Variants in CFAP61 observed in about 807,000 individuals in gnomAD.
CFAP61 encodes cilia- and flagella-associated protein 61.
CFAP61 carries 107 observed loss-of-function variants against 135.6 expected under a neutral mutation model. The ratio of observed to expected loss-of-function variants is 0.79; its 90% CI spans 0.67 to 0.93. The LOEUF is 0.93. Ranked by LOEUF, CFAP61 falls within the 40% of genes least tolerant of loss-of-function variation. The probability of loss-of-function intolerance (pLI) is 0.00; values close to 1 mark genes in which losing one functional copy is unlikely to be tolerated. For synonymous variants in CFAP61, 575 were observed against 578.5 expected (o/e 0.99, Z 0.09); for missense variants, 1,507 against 1,556.2 (o/e 0.97, Z 0.53).
chr20:20,223,542 CTA>C (rs1315247721), intron 17 of CFAP61, among the ~76,000 whole-genome samples: 1 of 152,148 alleles, frequency 6.6e-6, no homozygotes, highest in African/African-American at 2.4e-5. Context: ...TTATTGCTCT[CTA>C]GTGTATCAGC....
chr20:20,191,210 G>A (rs2055897263), intron 14 of CFAP61, 132 bp from the exon 15 acceptor site: 1 of 576,532 alleles, frequency 1.7e-6, no homozygotes, highest in Non-Finnish European at 3.0e-6. Context: ...CTTACTACCT[G>A]GCCAAAAGTA....
At chr20:20,338,255 C>T (rs1203013925) in intron 25 of CFAP61, among the ~76,000 whole-genome samples, 1 of 152,154 alleles carries the variant, frequency 6.6e-6, no homozygotes, top group Non-Finnish European at 1.5e-5. Context: ...CCAGAAAAGA[C>T]ACATACAAGC....
intron 25 of CFAP61, among the ~76,000 whole-genome samples, chr20:20,338,575 A>G (rs1426242965): frequency 6.6e-6 from 1 of 152,254 alleles, no homozygotes; most frequent in East Asian, 1.9e-4. Flanking sequence ...GCAGACCTGC[A>G]GTCGCAGCAC....
chr20:20,114,687 A>G (rs1256662102), intron 8 of CFAP61, among the ~76,000 whole-genome samples: 1 of 152,044 alleles, frequency 6.6e-6, no homozygotes, highest in East Asian at 1.9e-4. Context: ...ATTATTTTGT[A>G]TTTCTCTATA....
chr20:20,232,309 T>C (rs2049200861), intron 18 of CFAP61, among the ~76,000 whole-genome samples: 1 of 152,186 alleles, frequency 6.6e-6, no homozygotes. Context: ...TGCAGTGCTT[T>C]GACTCTTTCA....
At chr20:20,261,612 G>A (rs1005857706) in intron 20 of CFAP61, among the ~76,000 whole-genome samples, 3 of 152,124 alleles carry the variant, frequency 2.0e-5, no homozygotes, top group Non-Finnish European at 4.4e-5. Context: ...TCACTATGCT[G>A]TTTTATTTGG....
intron 19 of CFAP61, among the ~76,000 whole-genome samples, chr20:20,250,907 GCCATGGCATGAATGGCCGC>G (rs1261613699): frequency 6.6e-6 from 1 of 152,244 alleles, no homozygotes; most frequent in African/African-American, 2.4e-5. Context: ...GCACGCTGAA[GCCATGGCATGAATGGCCGC>G]CCTGGGCCTG....
At chr20:20,335,229 G>A (rs557020792) in intron 25 of CFAP61, among the ~76,000 whole-genome samples, 53 of 152,254 alleles carry the variant, frequency 3.5e-4, no homozygotes, top group Non-Finnish European at 7.1e-4. Flanking sequence ...GGAGTCTAGA[G>A]TGATAAACAT....
At chr20:20,085,309 G>T in intron 6 of CFAP61, 1 of 985,384 alleles carries the variant, frequency 1.0e-6, no homozygotes, top group Non-Finnish European at 1.2e-6. Context: ...TTGTTTCTGT[G>T]GGGCTGGACT....
At chr20:20,283,651 T>A (rs888936134) in intron 22 of CFAP61, among the ~76,000 whole-genome samples, 2 of 152,240 alleles carry the variant, frequency 1.3e-5, no homozygotes, top group African/African-American at 4.8e-5. Context: ...GCATTCTATC[T>A]GGAGCTTGAA....
Position 20,329,312 on chromosome 20 carries a change from C to T in CFAP61, c.3423-12519C>T, listed in dbSNP as rs181432587. ...TTTGGACTTCTGCAGGCACTTCTGTCTCCACTTTAAAAAAGGAATGGACTC... is the reference window on the plus strand; with the variant it reads ...TTTGGACTTCTGCAGGCACTTCTGTTTCCACTTTAAAAAAGGAATGGACTC... On this transcript the variant is annotated intron_variant, in intron 25 of 26. Coordinates refer to ENST00000245957, the MANE Select transcript of CFAP61 (RefSeq NM_015585.4). Among the ~76,000 whole-genome samples the T allele has an allele frequency of 4.1e-3, 628 of 152,278 alleles. 3 individuals carry two copies. Among genetic ancestry groups the T allele is most frequent in the Non-Finnish European group, 6.9e-3 (472 of 68,016 alleles).
chr20:20,223,306 A>G (rs1475985141), intron 17 of CFAP61, among the ~76,000 whole-genome samples: 2 of 152,180 alleles, frequency 1.3e-5, no homozygotes, highest in African/African-American at 2.4e-5. Context: ...GAGGAAACTG[A>G]TATTTAGGAA....
At chr20:20,251,520 C>G (rs1437811507) in intron 19 of CFAP61, 75 bp from the exon 20 acceptor site, 9 of 1,456,868 alleles carry the variant, frequency 6.2e-6, no homozygotes, top group Non-Finnish European at 8.5e-6. Flanking sequence ...GGGACTTGAA[C>G]CAGCTCACCA....
At chr20:20,227,899 C>T (rs1266748056) in intron 17 of CFAP61, among the ~76,000 whole-genome samples, 4 of 152,200 alleles carry the variant, frequency 2.6e-5, no homozygotes, top group East Asian at 1.9e-4. Flanking sequence ...CATGGAACTA[C>T]AGATTCTCAG....
chr20:20,324,150 T>C (rs938410920), intron 25 of CFAP61, among the ~76,000 whole-genome samples: 3 of 152,206 alleles, frequency 2.0e-5, no homozygotes, highest in African/African-American at 7.2e-5. Flanking sequence ...TGAACAATAG[T>C]GTGCTGCTTA....
intron 2 of CFAP61, among the ~76,000 whole-genome samples, chr20:20,061,987 C>T (rs1384259202): frequency 6.6e-6 from 1 of 152,176 alleles, no homozygotes; most frequent in African/African-American, 2.4e-5. Flanking sequence ...CACCCTAGTT[C>T]GAGCCTTTGC....
chr20:20,140,700 C>T (rs1382049788), intron 8 of CFAP61, among the ~76,000 whole-genome samples: 1 of 136,576 alleles, frequency 7.3e-6, no homozygotes, highest in Non-Finnish European at 1.6e-5. Flanking sequence ...TTGACCCAGC[C>T]ATCCCATTAC....
At chr20:20,166,312 G>A (rs113879058) in intron 11 of CFAP61, 85 bp from the exon 12 acceptor site, 4 of 1,114,220 alleles carry the variant, frequency 3.6e-6, no homozygotes, top group Non-Finnish European at 5.5e-6. Context: ...CTGCCCGAGG[G>A]GAGGGAGCTG....
intron 26 of CFAP61, among the ~76,000 whole-genome samples, chr20:20,356,003 A>G (rs1299423752): frequency 6.2e-5 from 7 of 112,024 alleles, no homozygotes; most frequent in African/African-American, 1.7e-4. Flanking sequence ...CTGTGAGGGG[A>G]GGTGGTCACA....
Sources: allele counts gnomAD v4.1 joint callset (sites outside exome capture counted in the v4.1 genomes callset), GRCh38; gene constraint gnomAD v4.1.1; transcripts MANE v1.5; gene names NCBI Gene and HGNC (gene_info 2026-07-23, HGNC 2026-07-21).